The following PAPOLA variants were observed in gnomAD, a reference collection of about 807,000 sequenced individuals.
The protein encoded by PAPOLA is polynucleotide adenylyltransferase alpha.
PAPOLA carries 15 observed loss-of-function variants against 100.6 expected under a neutral mutation model. The observed-to-expected ratio is 0.15, with a 90% CI of 0.10 to 0.23. The LOEUF (loss-of-function observed/expected upper bound fraction) is 0.23. Among genes scored for constraint, PAPOLA ranks in the 10% least tolerant of loss-of-function variants. The pLI is 1.00. For synonymous variants in PAPOLA, 293 were observed against 300.0 expected (o/e 0.98, Z 0.24); for missense variants, 533 against 884.2 (o/e 0.60, Z 5.04).
intron 1 of PAPOLA, among the ~76,000 whole-genome samples, chr14:96,505,874 C>T (rs1409365979): frequency 1.3e-5 from 2 of 151,776 alleles, no homozygotes; most frequent in African/African-American, 4.8e-5. Context: ...TAGTCATTTC[C>T]TTCCTTCCTT....
chr14:96,559,340 A>G (rs1343275991), intron 19 of PAPOLA, among the ~76,000 whole-genome samples: 1 of 151,904 alleles, frequency 6.6e-6, no homozygotes, highest in East Asian at 1.9e-4. Flanking sequence ...AGTACTTGGT[A>G]TTAGAAATTT....
chr14:96,513,606 T>C (rs1190849650), intron 1 of PAPOLA, among the ~76,000 whole-genome samples: 1 of 152,226 alleles, frequency 6.6e-6, no homozygotes, highest in Non-Finnish European at 1.5e-5. Flanking sequence ...TCGTGATGAA[T>C]AAGGGCTCGT....
At chr14:96,527,722 A>T in intron 5 of PAPOLA, 183 bp downstream of exon 5, 1 of 609,406 alleles carries the variant, frequency 1.6e-6, no homozygotes, top group Middle Eastern at 4.3e-4. Flanking sequence ...ACTCATTTAC[A>T]GATTAGGAAA....
At chr14:96,535,560 C>T in intron 10 of PAPOLA, 3 of 1,015,166 alleles carry the variant, frequency 3.0e-6, no homozygotes, top group Non-Finnish European at 3.5e-6. Flanking sequence ...ATGTGCATCC[C>T]CATTTCTGTT....
chr14:96,544,629 C>T (rs974500500), intron 15 of PAPOLA, among the ~76,000 whole-genome samples: 1 of 152,022 alleles, frequency 6.6e-6, no homozygotes, highest in East Asian at 1.9e-4. Context: ...ATTAGGGATA[C>T]TCAACCTGTG....
intron 16 of PAPOLA, among the ~76,000 whole-genome samples, chr14:96,550,063 A>G (rs537263864): frequency 6.6e-5 from 10 of 152,340 alleles, no homozygotes; most frequent in African/African-American, 2.4e-4. Context: ...TGGGAAGATC[A>G]TGTGTGCCCA....
At chr14:96,550,466 T>A (rs2140317321) in intron 16 of PAPOLA, among the ~76,000 whole-genome samples, 1 of 152,318 alleles carries the variant, frequency 6.6e-6, no homozygotes, top group African/African-American at 2.4e-5. Flanking sequence ...AAGAGAATCA[T>A]TAATGATTGG....
At chr14:96,548,865 T>G (rs1900604223) in intron 16 of PAPOLA, among the ~76,000 whole-genome samples, 1 of 152,188 alleles carries the variant, frequency 6.6e-6, no homozygotes, top group Non-Finnish European at 1.5e-5. Context: ...TTTTGTTTCT[T>G]AAAACAATAT....
chr14:96,523,069 A>G (rs1307948509), intron 3 of PAPOLA, among the ~76,000 whole-genome samples: 5 of 152,200 alleles, frequency 3.3e-5, no homozygotes, highest in African/African-American at 1.2e-4. Flanking sequence ...CAAATGTAGT[A>G]TTCTAAATTA....
At chr14:96,509,985 T>TTTTTA (rs1491489544) in intron 1 of PAPOLA, among the ~76,000 whole-genome samples, 23 of 149,028 alleles carry the variant, frequency 1.5e-4, no homozygotes, top group African/African-American at 5.7e-4. Context: ...TTTTTTTTTT[T>TTTTTA]AATCTTTGGA....
At position 96,534,346 on chromosome 14, in the gene PAPOLA, TGTC is replaced by T. The variant is rs200540826; in HGVS notation, c.837-141_837-139del. ...GAGAAAAAGATTTTGAGTAGTCTAA[TGTC>T]GTCAGAAAGGATTAAAACGTTGTAT... is the stretch of plus-strand genomic sequence containing the variant. On this transcript the variant is annotated intron_variant, in intron 9 of 21. Coordinates refer to ENST00000216277, the MANE Select transcript of PAPOLA (RefSeq NM_032632.5). 58 of 1,433,968 alleles carry T rather than the reference TGTC, an allele frequency of 4.0e-5. No homozygotes were observed. In the East Asian group the frequency reaches 6.2e-4, roughly 15 times the overall value. The allele number at this position is 1,433,968 out of a possible 1,614,324, so 88.8% of individuals were successfully genotyped here. A position where few individuals can be genotyped will look rare whatever the true frequency, so the allele number is the denominator to read the frequency against.
chr14:96,565,198 C>A lies in PAPOLA; in HGVS notation c.*148C>A. ...ACCTCCCTTACTGGGCTAATCAGCA[C>A]TTGATCGGAAGTCCAGGTTAGTATG... On this transcript the variant is annotated 3_prime_UTR_variant, in exon 22 of 22. Coordinates refer to ENST00000216277, the MANE Select transcript of PAPOLA (RefSeq NM_032632.5). 1.7e-6 allele frequency: 1 copy of A among 576,278 alleles called. No individual in the cohort carries two copies. The allele number at this position is 576,278 out of a possible 1,614,324, so 35.7% of individuals were successfully genotyped here.
At chr14:96,515,385 G>A (rs947097873) in intron 1 of PAPOLA, among the ~76,000 whole-genome samples, 2 of 152,048 alleles carry the variant, frequency 1.3e-5, no homozygotes, top group Admixed American at 6.6e-5. Flanking sequence ...ATTAGATGTA[G>A]GTATGTATTT....
rs151075600 is a variant in PAPOLA at position 96,535,838 on chromosome 14, A to G, written c.910-41A>G. The G allele has an allele frequency of 3.9e-5, 58 of 1,471,010 alleles. No individual in the cohort carries two copies. The Middle Eastern group carries it at 1.4e-3, about 37-fold the overall frequency. The allele number at this position is 1,471,010 out of a possible 1,614,324, so 91.1% of individuals were successfully genotyped here. A position where few individuals can be genotyped will look rare whatever the true frequency, so the allele number is the denominator to read the frequency against. On this transcript the variant is annotated intron_variant, in intron 10 of 21. Transcript: ENST00000216277. ...GGTAAAAAGCCCAAGTATCTGTTGC[A>G]TATGTACTTGAAGAAACTGATTGGC... is the stretch of plus-strand genomic sequence containing the variant.
Position 96,527,419 on chromosome 14 carries a change from A to AT in PAPOLA, c.332-3dup, listed in dbSNP as rs769620397. The AT allele has an allele frequency of 3.1e-5, 49 of 1,570,094 alleles. No homozygotes were observed. The highest frequency in any genetic ancestry group is 3.9e-5 in the Non-Finnish European group (44 of 1,142,264). On this transcript the variant is annotated splice_polypyrimidine_tract_variant and intron_variant, in intron 4 of 21. Transcript: ENST00000216277. ...TATTAATTAGTGGTTGATGGGCTTA[A>AT]TTTTTTTTAGGTGCTGATATTGATG...
intron 1 of PAPOLA, among the ~76,000 whole-genome samples, chr14:96,515,121 G>A (rs1473849877): frequency 6.6e-6 from 1 of 152,098 alleles, no homozygotes; most frequent in Non-Finnish European, 1.5e-5. Flanking sequence ...ATCAGAACTA[G>A]AATAGTTGAA....
chr14:96,547,871 C>G lies in PAPOLA; in HGVS notation c.1474C>G (p.Gln492Glu). The G allele has an allele frequency of 3.7e-6, 6 of 1,610,474 alleles. No homozygotes were observed. Among genetic ancestry groups the G allele is most frequent in the Non-Finnish European group, 5.1e-6 (6 of 1,177,642 alleles). ...KIAAMHVKRKQLHQLLPNHVL... is the reference protein window; with the variant it reads ...KIAAMHVKRKELHQLLPNHVL... ...TGCTGCAATGCATGTAAAAAGAAAG[C>G]AACTCCATCAACTACTACCTAATCA... Residue 492 changes from glutamine to glutamate, a missense_variant, in exon 16 of 22, where the codon CAA becomes GAA. Coordinates refer to ENST00000216277, the MANE Select transcript of PAPOLA (RefSeq NM_032632.5).
intron 17 of PAPOLA, among the ~76,000 whole-genome samples, chr14:96,554,486 G>T (rs111549995): frequency 6.6e-6 from 1 of 152,160 alleles, no homozygotes; most frequent in East Asian, 1.9e-4. Flanking sequence ...CTGCTCCGTG[G>T]TTCCCTGTGG....
chr14:96,535,635 A>G (rs1899456284), intron 10 of PAPOLA: 1 of 1,052,002 alleles, frequency 9.5e-7, no homozygotes, highest in Non-Finnish European at 1.2e-6. Context: ...GTTGTTCAGC[A>G]GGCACACTTT....
Sources: allele counts gnomAD v4.1 joint callset (sites outside exome capture counted in the v4.1 genomes callset), GRCh38; gene constraint gnomAD v4.1.1; transcripts MANE v1.5; gene names NCBI Gene and HGNC (gene_info 2026-07-23, HGNC 2026-07-21).